The following GLIS3 variants were observed in gnomAD, a reference collection of about 807,000 sequenced individuals.
GLIS3 encodes the protein zinc finger protein GLIS3.
Under a neutral mutation model 78.6 loss-of-function variants are expected in GLIS3, and 53 were observed. That is an observed-to-expected ratio of 0.67 (90% confidence interval 0.54 to 0.85). The LOEUF is 0.85. Ranked by LOEUF, GLIS3 falls within the 40% of genes least tolerant of loss-of-function variation. The pLI is 0.00. For synonymous variants in GLIS3, 684 were observed against 509.9 expected (o/e 1.34, Z -4.60); for missense variants, 1,703 against 1,231.1 (o/e 1.38, Z -5.74).
the GLIS3 span, among the ~76,000 whole-genome samples, chr9:4,378,204 C>A: frequency 1.3e-5 from 2 of 151,138 alleles, no homozygotes; most frequent in African/African-American, 2.4e-5. Context: ...GTGCCAGATA[C>A]TATATATATA....
chr9:4,010,723 C>T (rs895928480), intron 4 of GLIS3, among the ~76,000 whole-genome samples: 2 of 152,150 alleles, frequency 1.3e-5, no homozygotes, highest in Non-Finnish European at 2.9e-5. Flanking sequence ...ATACAGTTTT[C>T]CCTGTCCCAT....
intron 2 of GLIS3, among the ~76,000 whole-genome samples, chr9:4,213,235 G>T (rs1820528346): frequency 6.6e-6 from 1 of 152,248 alleles, no homozygotes; most frequent in East Asian, 1.9e-4. Context: ...CCCTTAGCCT[G>T]TCGAAACCCT....
intron 4 of GLIS3, among the ~76,000 whole-genome samples, chr9:4,082,108 G>A (rs1828597097): frequency 6.6e-6 from 1 of 152,200 alleles, no homozygotes; most frequent in Non-Finnish European, 1.5e-5. Context: ...TGGTGTCTTA[G>A]GATATGTTTG....
At chr9:4,334,515 T>C (rs1817726120) in intron 2 of GLIS3, among the ~76,000 whole-genome samples, 1 of 152,230 alleles carries the variant, frequency 6.6e-6, no homozygotes, top group African/African-American at 2.4e-5. Context: ...GGCAGACTTT[T>C]CTGGCTCTGT....
chr9:4,106,299 T>G (rs981097548), intron 4 of GLIS3, among the ~76,000 whole-genome samples: 1 of 152,172 alleles, frequency 6.6e-6, no homozygotes, highest in African/African-American at 2.4e-5. Flanking sequence ...TGACGCCTCC[T>G]AATTAGAATC....
intron 4 of GLIS3, among the ~76,000 whole-genome samples, chr9:4,015,888 CAAA>C (rs1049791263): frequency 1.2e-4 from 4 of 32,252 alleles, no homozygotes; most frequent in Non-Finnish European, 1.4e-4. Flanking sequence ...GACTCTGTCT[CAAA>C]AAAAAAAAAA....
At chr9:4,056,685 A>T (rs1348301795) in intron 4 of GLIS3, among the ~76,000 whole-genome samples, 1 of 152,154 alleles carries the variant, frequency 6.6e-6, no homozygotes, top group Admixed American at 6.5e-5. Context: ...ACACACATGC[A>T]CGTGTGCATA....
Position 4,329,974 on chromosome 9 carries a change from T to C in GLIS3, n.264+17107A>G, listed in dbSNP as rs113321796. On this transcript the variant is annotated intron_variant and non_coding_transcript_variant, in intron 2 of 4. Transcript: ENST00000471664. ...GTATCAATTAATTTCAATTAATCTT[T>C]GTGTTTTTCTTCTCTATATTTCCTT... Among the ~76,000 whole-genome samples the C allele has an allele frequency of 8.0e-3, 1,020 of 127,368 alleles. 16 individuals carry two copies. The highest frequency in any genetic ancestry group is 0.035 in the African/African-American group (978 of 27,806). The allele number at this position is 127,368 out of a possible 152,430, so 83.6% of individuals were successfully genotyped here. A position where few individuals can be genotyped will look rare whatever the true frequency, so the allele number is the denominator to read the frequency against.
At chr9:4,140,465 A>C (rs138759538) in intron 2 of GLIS3, among the ~76,000 whole-genome samples, 1 of 152,348 alleles carries the variant, frequency 6.6e-6, no homozygotes, top group Non-Finnish European at 1.5e-5. Flanking sequence ...TGGGCTTGCA[A>C]GTCCAGATGG....
intron 2 of GLIS3, among the ~76,000 whole-genome samples, chr9:4,323,230 G>C (rs551676983): frequency 7.2e-5 from 11 of 152,240 alleles, no homozygotes; most frequent in African/African-American, 2.6e-4. Flanking sequence ...TTGTAGATGT[G>C]TGATATCAAA....
intron 1 of GLIS3, chr9:4,298,415 G>C: frequency 2.2e-6 from 1 of 455,438 alleles, no homozygotes; most frequent in Non-Finnish European, 4.4e-6. Context: ...TGACAAATCA[G>C]CCAGGGCCAA....
rs186051532 is a variant in GLIS3, at chr9:3,900,007, C to T, written c.1984-1172G>A. Among the ~76,000 whole-genome samples the T allele has an allele frequency of 1.2e-3, 186 of 151,980 alleles. 2 individuals carry two copies. Among genetic ancestry groups the T allele is most frequent in the East Asian group, 0.012 (62 of 5,156 alleles). On this transcript the variant is annotated intron_variant, in intron 6 of 10. Transcript: ENST00000381971. ...GCTTTGAAAGAAGTGAGGAATAAGC[C>T]GTACAGACCTATGGGGGAAGAACCT...
intron 4 of GLIS3, among the ~76,000 whole-genome samples, chr9:3,978,529 T>A (rs1818967776): frequency 1.3e-5 from 2 of 152,116 alleles, no homozygotes; most frequent in African/African-American, 4.8e-5. Flanking sequence ...TTATATACTA[T>A]TGCATTGTAT....
chr9:3,948,145 C>G (rs552765184), intron 4 of GLIS3, among the ~76,000 whole-genome samples: 2 of 152,328 alleles, frequency 1.3e-5, no homozygotes, highest in East Asian at 3.9e-4. Context: ...TTCTAAAATG[C>G]ATCATCTCCA....
intron 2 of GLIS3, among the ~76,000 whole-genome samples, chr9:4,178,791 A>T (rs1817021125): frequency 6.6e-6 from 1 of 152,200 alleles, no homozygotes; most frequent in African/African-American, 2.4e-5. Flanking sequence ...CCCCACACCC[A>T]TTATTCATTA....
chr9:4,316,037 A>G (rs563390016), intron 2 of GLIS3, among the ~76,000 whole-genome samples: 1 of 152,238 alleles, frequency 6.6e-6, no homozygotes, highest in African/African-American at 2.4e-5. Flanking sequence ...TGGGATGATC[A>G]CAATGGAAAT....
chr9:4,001,127 A>C (rs1001838956), intron 4 of GLIS3, among the ~76,000 whole-genome samples: 2 of 152,224 alleles, frequency 1.3e-5, no homozygotes, highest in East Asian at 3.8e-4. Flanking sequence ...AACAGCTTGC[A>C]ATCTAGTCAT....
At chr9:3,967,651 G>A (rs1003607733) in intron 4 of GLIS3, among the ~76,000 whole-genome samples, 1 of 152,210 alleles carries the variant, frequency 6.6e-6, no homozygotes, top group Non-Finnish European at 1.5e-5. Flanking sequence ...ACTACAGACT[G>A]TGATGCAGCT....
At chr9:4,433,205 G>A in the GLIS3 span, among the ~76,000 whole-genome samples, 1 of 152,206 alleles carries the variant, frequency 6.6e-6, no homozygotes, top group Non-Finnish European at 1.5e-5. Flanking sequence ...GTTGAGGCAG[G>A]CAGATCACCT....
Sources: gnomAD v4.1 joint callset for allele counts (sites outside exome capture counted in the v4.1 genomes callset) on GRCh38, gnomAD v4.1.1 for gene constraint, MANE v1.5 for transcripts, NCBI Gene and HGNC (gene_info 2026-07-23, HGNC 2026-07-21) for gene names.